MUC7: variants seen among roughly 807,000 people sequenced by gnomAD.
The protein encoded by MUC7 is mucin-7.
In MUC7, 2 loss-of-function variants were observed where a neutral mutation model predicts 2.5. The observed-to-expected ratio is 0.81, with a 90% confidence interval of 0.33 to 2.55. MUC7 has a LOEUF of 2.55. Ranked by LOEUF, MUC7 falls within the 30% of genes most tolerant of loss-of-function variation. The pLI is 0.11. For missense variants in MUC7, 408 were observed against 455.6 expected (o/e 0.90, Z 0.95); for synonymous variants, 133 against 173.4 (o/e 0.77, Z 1.83).
chr4:70,461,165 G>A (rs1333172158), intron 1 of MUC7, among the ~76,000 whole-genome samples: 1 of 152,172 alleles, frequency 6.6e-6, no homozygotes, highest in African/African-American at 2.4e-5. Flanking sequence ...CTTCTCTGTT[G>A]GACTGTAGTG....
At position 70,438,620 on chromosome 4, in the gene MUC7, C is replaced by A. The variant is rs1577898035; in HGVS notation, c.-93+7933C>A. On this transcript the variant is annotated intron_variant, in intron 1 of 3. Transcript: ENST00000413702. ...TACGGGCATGCACCACCACACCTGG[C>A]TAATTTTTGTATTTTTTAGTAGAGA... 2.0e-5 allele frequency among the ~76,000 whole-genome samples: 3 copies of A among 152,090 alleles called. No homozygotes were observed. In the East Asian group the frequency reaches 5.8e-4, roughly 29 times the overall value.
chr4:70,447,735 C>G (rs1037613167), intron 1 of MUC7, among the ~76,000 whole-genome samples: 5 of 152,156 alleles, frequency 3.3e-5, no homozygotes, highest in Non-Finnish European at 7.4e-5. Flanking sequence ...ATAATCACAT[C>G]ATGGAGAATG....
intron 1 of MUC7, among the ~76,000 whole-genome samples, chr4:70,432,611 T>A (rs1022827977): frequency 1.3e-5 from 2 of 152,222 alleles, no homozygotes; most frequent in African/African-American, 4.8e-5. Flanking sequence ...TGTAAATTTG[T>A]TTAAGCTCTT....
chr4:70,440,135 G>A (rs1190134585), intron 1 of MUC7, among the ~76,000 whole-genome samples: 13 of 151,966 alleles, frequency 8.6e-5, no homozygotes, highest in Admixed American at 6.6e-5. Context: ...ATTCAGCATA[G>A]GTTTATGTTG....
At chr4:70,474,183 C>T (rs934272611) in intron 2 of MUC7, 108 bp downstream of exon 2, 3 of 872,698 alleles carry the variant, frequency 3.4e-6, no homozygotes, top group Non-Finnish European at 5.5e-6. Context: ...TTCCAAGAAG[C>T]TTGACATCTT....
intron 1 of MUC7, among the ~76,000 whole-genome samples, chr4:70,447,828 T>C (rs1357210738): frequency 6.6e-6 from 1 of 152,180 alleles, no homozygotes; most frequent in African/African-American, 2.4e-5. Flanking sequence ...AAATGTACAA[T>C]TAAATTATTT....
At chr4:70,461,955 TA>T (rs1734568000) in intron 1 of MUC7, among the ~76,000 whole-genome samples, 1 of 152,114 alleles carries the variant, frequency 6.6e-6, no homozygotes. Flanking sequence ...CCCATGCCAG[TA>T]ACACCAGCAC....
At chr4:70,432,194 G>A (rs564051964) in intron 1 of MUC7, among the ~76,000 whole-genome samples, 26 of 152,262 alleles carry the variant, frequency 1.7e-4, no homozygotes, top group South Asian at 8.3e-4. Flanking sequence ...TGCGAATAGC[G>A]CCACAATAAG....
upstream of MUC7, among the ~76,000 whole-genome samples, chr4:70,467,636 A>G (rs958243068): frequency 2.0e-5 from 3 of 152,242 alleles, no homozygotes; most frequent in Non-Finnish European, 4.4e-5. Flanking sequence ...AAACACCTCT[A>G]TGCAAATAAA....
intron 1 of MUC7, among the ~76,000 whole-genome samples, chr4:70,436,569 C>T (rs1340378139): frequency 2.0e-5 from 3 of 152,126 alleles, no homozygotes; most frequent in Non-Finnish European, 4.4e-5. Flanking sequence ...CTCTTCTCTA[C>T]ACTTGTTATT....
chr4:70,437,688 C>T (rs959881900), intron 1 of MUC7, among the ~76,000 whole-genome samples: 3 of 152,156 alleles, frequency 2.0e-5, no homozygotes, highest in South Asian at 4.1e-4. Flanking sequence ...CCAGGTGAGG[C>T]GACACCCCAC....
At chr4:70,434,606 C>T (rs1013992129) in intron 1 of MUC7, among the ~76,000 whole-genome samples, 16 of 152,154 alleles carry the variant, frequency 1.1e-4, no homozygotes, top group Admixed American at 5.2e-4. Flanking sequence ...TGATTCTTCT[C>T]TCTTTTCTTA....
intron 1 of MUC7, among the ~76,000 whole-genome samples, chr4:70,432,953 G>T (rs981191845): frequency 6.6e-6 from 1 of 152,184 alleles, no homozygotes; most frequent in Non-Finnish European, 1.5e-5. Flanking sequence ...CATATGGCTA[G>T]CCAGTTTTCC....
chr4:70,436,643 T>C (rs898595168), intron 1 of MUC7, among the ~76,000 whole-genome samples: 6 of 152,240 alleles, frequency 3.9e-5, no homozygotes, highest in African/African-American at 4.8e-5. Flanking sequence ...GGTTAGAACA[T>C]GCTCCTTTAG....
At chr4:70,431,491 G>T (rs1046340753) in intron 1 of MUC7, among the ~76,000 whole-genome samples, 5 of 151,892 alleles carry the variant, frequency 3.3e-5, no homozygotes, top group Admixed American at 6.6e-5. Flanking sequence ...GTTTTTTTTG[G>T]GGGGGTGGGA....
chr4:70,448,260 A>T (rs1685556163), intron 1 of MUC7, among the ~76,000 whole-genome samples: 1 of 152,164 alleles, frequency 6.6e-6, no homozygotes, highest in Non-Finnish European at 1.5e-5. Context: ...GAGTGCAGAT[A>T]TCTCTTTGAT....
chr4:70,453,588 A>AC (rs1196608918), intron 1 of MUC7, among the ~76,000 whole-genome samples: 1 of 151,354 alleles, frequency 6.6e-6, no homozygotes, highest in Non-Finnish European at 1.5e-5. Flanking sequence ...GGAACTGGAG[A>AC]CCCCAAGAGC....
intron 1 of MUC7, among the ~76,000 whole-genome samples, chr4:70,465,947 C>T (rs1195624514): frequency 6.6e-6 from 1 of 152,188 alleles, no homozygotes; most frequent in African/African-American, 2.4e-5. Context: ...AAATAATCGT[C>T]AGATTCACCA....
Position 70,450,662 on chromosome 4 carries a change from G to A in MUC7, c.-93+19975G>A, listed in dbSNP as rs1000378715. 5.3e-5 allele frequency among the ~76,000 whole-genome samples: 8 copies of A among 152,272 alleles called. No individual in the cohort carries two copies. In the East Asian group the frequency reaches 1.5e-3, roughly 29 times the overall value. Reference sequence around the variant, plus strand: ...CCCAAGGACTCTTCAGTTAGCAGGTGATAAATGCTGGCAGGACTGGGTTCT... The same window carrying A: ...CCCAAGGACTCTTCAGTTAGCAGGTAATAAATGCTGGCAGGACTGGGTTCT... On this transcript the variant is annotated intron_variant, in intron 1 of 3. Transcript: ENST00000413702.
Sources: allele counts gnomAD v4.1 joint callset (sites outside exome capture counted in the v4.1 genomes callset), GRCh38; gene constraint gnomAD v4.1.1; transcripts MANE v1.5; gene names NCBI Gene and HGNC (gene_info 2026-07-23, HGNC 2026-07-21).